The following SGCD variants were observed in gnomAD, a reference collection of about 807,000 sequenced individuals.
SGCD encodes sarcoglycan delta, also known as delta-sarcoglycan.
Under a neutral mutation model 36.6 loss-of-function variants are expected in SGCD, and 18 were observed. The observed-to-expected ratio is 0.49, with a 90% CI of 0.34 to 0.73. SGCD has a LOEUF of 0.73. Ranked by LOEUF, SGCD falls within the 30% of genes least tolerant of loss-of-function variation. The pLI, the probability that SGCD is intolerant of heterozygous loss-of-function variation, is 0.01. For synonymous variants in SGCD, 133 were observed against 130.6 expected, an observed-to-expected ratio of 1.02 and a Z score of -0.12; for missense variants, 387 against 346.7, an observed-to-expected ratio of 1.12 and a Z score of -0.92.
chr5:155,755,513 G>A, the SGCD span, among the ~76,000 whole-genome samples: 1 of 152,198 alleles, frequency 6.6e-6, no homozygotes, highest in African/African-American at 2.4e-5. Context: ...ATATTACCCA[G>A]CATGTTGTCA....
intron 7 of SGCD, among the ~76,000 whole-genome samples, chr5:156,695,484 G>C (rs1216898204): frequency 7.8e-6 from 1 of 127,402 alleles, no homozygotes; most frequent in Non-Finnish European, 1.6e-5. Flanking sequence ...AACCTCTCTC[G>C]ATAGATAGAT....
intron 3 of SGCD, among the ~76,000 whole-genome samples, chr5:156,291,572 T>C (rs1262114318): frequency 1.3e-5 from 2 of 152,160 alleles, no homozygotes; most frequent in Non-Finnish European, 2.9e-5. Flanking sequence ...TGTTCATTGA[T>C]TTAATTGTAT....
the SGCD span, among the ~76,000 whole-genome samples, chr5:155,847,173 G>A: frequency 6.6e-6 from 1 of 152,174 alleles, no homozygotes; most frequent in African/African-American, 2.4e-5. Flanking sequence ...GTCTTCAAGT[G>A]CATGTGCATG....
chr5:156,227,900 C>A (rs532782681), intron 3 of SGCD, among the ~76,000 whole-genome samples: 1 of 152,114 alleles, frequency 6.6e-6, no homozygotes, highest in Admixed American at 6.6e-5. Flanking sequence ...GTTTTTGATC[C>A]AATGCTCATT....
In SGCD at chr5:156,622,540, A is replaced by AT. The variant is rs34691909; in HGVS notation, c.503-24914dup. 3.1e-3 allele frequency among the ~76,000 whole-genome samples: 454 copies of AT among 148,704 alleles called. 4 individuals carry two copies. Among genetic ancestry groups the AT allele is most frequent in the Admixed American group, 4.7e-3 (70 of 14,934 alleles). ...TTGCAAGTCTCCATAACAAAGACAGATTTTTTTTTTGTAAAAAAGAAAAGC... is the reference window on the plus strand; with the variant it reads ...TTGCAAGTCTCCATAACAAAGACAGATTTTTTTTTTTGTAAAAAAGAAAAGC... On this transcript the variant is annotated intron_variant, in intron 6 of 8. Coordinates refer to ENST00000337851, the MANE Select transcript of SGCD (RefSeq NM_000337.6).
intron 3 of SGCD, among the ~76,000 whole-genome samples, chr5:156,193,901 A>ACATCCAAGTCCTGGCCTGCAG (rs1467823404): frequency 6.6e-6 from 1 of 152,230 alleles, no homozygotes; most frequent in African/African-American, 2.4e-5. Flanking sequence ...CATGTTGTTG[A>ACATCCAAGTCCTGGCCTGCAG]CATCCAAGTC....
At chr5:155,886,206 G>A (rs1040730592) in intron 1 of SGCD, among the ~76,000 whole-genome samples, 1 of 152,166 alleles carries the variant, frequency 6.6e-6, no homozygotes, top group Admixed American at 6.5e-5. Context: ...AAAAAATACA[G>A]GGGTATAGGA....
intron 3 of SGCD, among the ~76,000 whole-genome samples, chr5:156,205,873 T>C (rs902381034): frequency 6.6e-6 from 1 of 151,750 alleles, no homozygotes; most frequent in Non-Finnish European, 1.5e-5. Flanking sequence ...TAAATGAACA[T>C]GGACAACTGC....
the SGCD span, among the ~76,000 whole-genome samples, chr5:155,813,131 C>T: frequency 6.6e-6 from 1 of 151,648 alleles, no homozygotes; most frequent in African/African-American, 2.4e-5. Context: ...AGGGCTTGAT[C>T]ACAATGACTA....
intron 3 of SGCD, among the ~76,000 whole-genome samples, chr5:156,492,709 A>G (rs569699116): frequency 4.6e-5 from 7 of 152,138 alleles, no homozygotes; most frequent in African/African-American, 1.4e-4. Flanking sequence ...CGCTATATCT[A>G]TCCTAGCCCC....
chr5:156,668,811 T>G (rs1287000575), intron 7 of SGCD, among the ~76,000 whole-genome samples: 1 of 152,160 alleles, frequency 6.6e-6, no homozygotes, highest in East Asian at 1.9e-4. Context: ...TATGCCCTGA[T>G]GATGTCTCTC....
In SGCD at chr5:156,745,054, T is replaced by G. The variant is rs1756880166; in HGVS notation, c.576-12527T>G. 3.9e-5 allele frequency among the ~76,000 whole-genome samples: 6 copies of G among 152,294 alleles called. No homozygotes were observed. The South Asian group carries it at 1.2e-3, about 32-fold the overall frequency. ...TAGATTTTGCTAACCTAGATGAAAT[T>G]TAGCTTCAGTTTTCATGGCCTCCTG... On this transcript the variant is annotated intron_variant, in intron 7 of 8. Coordinates refer to ENST00000337851, the MANE Select transcript of SGCD (RefSeq NM_000337.6).
rs76249234 is a variant in SGCD, at chr5:155,873,880, A to G, written c.-282+3456A>G. 5.1e-4 allele frequency among the ~76,000 whole-genome samples: 77 copies of G among 152,274 alleles called. 1 individual carries two copies. In the East Asian group the frequency reaches 0.014, roughly 28 times the overall value. On this transcript the variant is annotated intron_variant, in intron 1 of 9. Transcript: ENST00000517913. Reference sequence around the variant, plus strand: ...AATTATTTAGTCTTCAGTTTTAAATACCATCTCAGAAGATTTAATATGACA... The same window carrying G: ...AATTATTTAGTCTTCAGTTTTAAATGCCATCTCAGAAGATTTAATATGACA...
At chr5:155,949,286 C>G (rs1757504629) in intron 1 of SGCD, among the ~76,000 whole-genome samples, 1 of 152,132 alleles carries the variant, frequency 6.6e-6, no homozygotes, top group African/African-American at 2.4e-5. Flanking sequence ...AGATGGTTTT[C>G]TTTTATTAAT....
At chr5:155,958,579 C>T (rs892652179) in intron 1 of SGCD, among the ~76,000 whole-genome samples, 1 of 152,190 alleles carries the variant, frequency 6.6e-6, no homozygotes, top group Admixed American at 6.5e-5. Context: ...ACTCATTGCA[C>T]CTAATATAGA....
chr5:156,293,871 T>C (rs936491970), intron 3 of SGCD, among the ~76,000 whole-genome samples: 1 of 152,156 alleles, frequency 6.6e-6, no homozygotes, highest in African/African-American at 2.4e-5. Flanking sequence ...AAGAAAAAGA[T>C]ATTCTTGAAA....
the SGCD span, among the ~76,000 whole-genome samples, chr5:155,780,292 G>T: frequency 1.6e-4 from 24 of 152,146 alleles, no homozygotes; most frequent in African/African-American, 5.8e-4. Flanking sequence ...ATATTGTGTT[G>T]TCTACATATC....
intron 3 of SGCD, among the ~76,000 whole-genome samples, chr5:156,243,246 TG>T (rs1161446458): frequency 6.6e-6 from 1 of 152,208 alleles, no homozygotes; most frequent in African/African-American, 2.4e-5. Context: ...GGCTTCCACA[TG>T]GAACAGTGGC....
chr5:156,130,123 C>G (rs1581117544), intron 3 of SGCD, among the ~76,000 whole-genome samples: 1 of 152,144 alleles, frequency 6.6e-6, no homozygotes, highest in African/African-American at 2.4e-5. Flanking sequence ...TATAAGTGTT[C>G]CCTTTTCCCT....
Sources: allele counts gnomAD v4.1 joint callset (sites outside exome capture counted in the v4.1 genomes callset), GRCh38; gene constraint gnomAD v4.1.1; transcripts MANE v1.5; gene names NCBI Gene and HGNC (gene_info 2026-07-23, HGNC 2026-07-21).